Variants in PCMTD1 observed in about 807,000 individuals in gnomAD.
PCMTD1 encodes protein-L-isoaspartate (D-aspartate) O-methyltransferase domain containing 1, also known as protein-L-isoaspartate O-methyltransferase domain-containing protein 1.
Under a neutral mutation model 37.6 loss-of-function variants are expected in PCMTD1, and 12 were observed. The observed-to-expected ratio is 0.32, with a 90% CI of 0.20 to 0.52. The LOEUF (loss-of-function observed/expected upper bound fraction) is 0.52, where lower values mean the gene tolerates loss of function less well. Among genes scored for constraint, PCMTD1 ranks in the 20% least tolerant of loss-of-function variants. The probability of loss-of-function intolerance (pLI) is 0.97; values close to 1 mark genes in which losing one functional copy is unlikely to be tolerated. For missense variants in PCMTD1, 235 were observed against 421.3 expected (o/e 0.56, Z 3.87); for synonymous variants, 117 against 135.8 (o/e 0.86, Z 0.96).
At chr8:51,837,129 T>C (rs1020202738) in intron 3 of PCMTD1, among the ~76,000 whole-genome samples, 1 of 152,162 alleles carries the variant, frequency 6.6e-6, no homozygotes, top group Non-Finnish European at 1.5e-5. Flanking sequence ...ATGAATGTTT[T>C]TCCCTCCAAT....
intron 5 of PCMTD1, among the ~76,000 whole-genome samples, chr8:51,823,294 T>A (rs772444004): frequency 1.3e-5 from 2 of 152,114 alleles, no homozygotes; most frequent in African/African-American, 2.4e-5. Context: ...TGAAATCCTG[T>A]CTCTACAAAA....
intron 1 of PCMTD1, among the ~76,000 whole-genome samples, chr8:51,865,368 T>C (rs1274760632): frequency 2.0e-5 from 3 of 152,006 alleles, no homozygotes; most frequent in Non-Finnish European, 4.4e-5. Flanking sequence ...ATAAGGACAC[T>C]ACAAGAAAAG....
chr8:51,832,168 G>T (rs187655467), intron 4 of PCMTD1, among the ~76,000 whole-genome samples: 1 of 152,044 alleles, frequency 6.6e-6, no homozygotes, highest in South Asian at 2.1e-4. Context: ...AAAGCAGCTC[G>T]TTATTACATC....
chr8:51,823,146 T>C (rs1305546101), intron 5 of PCMTD1, among the ~76,000 whole-genome samples: 3 of 152,270 alleles, frequency 2.0e-5, no homozygotes, highest in Non-Finnish European at 2.9e-5. Context: ...ACTCCTAAAG[T>C]AGCATTCATG....
At chr8:51,881,809 G>A (rs181788145) in intron 1 of PCMTD1, among the ~76,000 whole-genome samples, 11 of 152,058 alleles carry the variant, frequency 7.2e-5, no homozygotes, top group South Asian at 6.2e-4. Flanking sequence ...CATTTTTTTC[G>A]ATTTCAAAAG....
chr8:51,865,461 T>C (rs2038536765), intron 1 of PCMTD1, among the ~76,000 whole-genome samples: 1 of 152,008 alleles, frequency 6.6e-6, no homozygotes, highest in Non-Finnish European at 1.5e-5. Context: ...AACAGAACAT[T>C]GAAAGGATCA....
chr8:51,899,040 G>A (rs762987459), upstream of PCMTD1: 36 of 1,509,538 alleles, frequency 2.4e-5, 1 homozygote, highest in South Asian at 3.7e-4. Flanking sequence ...GCCGAGTGGA[G>A]AGGCGGGGCC....
intron 3 of PCMTD1, among the ~76,000 whole-genome samples, chr8:51,843,871 G>A (rs1012679575): frequency 6.6e-6 from 1 of 152,068 alleles, no homozygotes. Context: ...GTGTCTTCAT[G>A]TATTAATAGG....
At chr8:51,879,310 T>TA (rs753534468) in intron 1 of PCMTD1, among the ~76,000 whole-genome samples, 9 of 149,066 alleles carry the variant, frequency 6.0e-5, no homozygotes, top group African/African-American at 2.0e-4. Context: ...GTGGCATGAC[T>TA]AAAAAAAAAT....
At chr8:51,863,631 A>C (rs1392096835) in intron 1 of PCMTD1, among the ~76,000 whole-genome samples, 6 of 152,214 alleles carry the variant, frequency 3.9e-5, no homozygotes, top group African/African-American at 1.4e-4. Context: ...TATTAAAAAT[A>C]CAAAGATTAG....
chr8:51,890,285 G>C (rs1303266081), intron 1 of PCMTD1, among the ~76,000 whole-genome samples: 6 of 152,072 alleles, frequency 3.9e-5, no homozygotes, highest in Non-Finnish European at 5.9e-5. Context: ...TTCACAATGG[G>C]ATTTACAATG....
At chr8:51,848,506 C>G (rs1471235592) in intron 2 of PCMTD1, among the ~76,000 whole-genome samples, 2 of 152,170 alleles carry the variant, frequency 1.3e-5, no homozygotes, top group African/African-American at 4.8e-5. Flanking sequence ...GCATTATTAA[C>G]AGAAAGAATC....
chr8:51,847,585 C>T (rs2038240765), intron 2 of PCMTD1, among the ~76,000 whole-genome samples: 1 of 151,950 alleles, frequency 6.6e-6, no homozygotes, highest in East Asian at 1.9e-4. Flanking sequence ...CAAGATCTTG[C>T]CATTGCACTC....
At chr8:51,840,187 A>C (rs905883800) in intron 3 of PCMTD1, among the ~76,000 whole-genome samples, 1 of 152,210 alleles carries the variant, frequency 6.6e-6, no homozygotes, top group Non-Finnish European at 1.5e-5. Flanking sequence ...GCATCAGAGA[A>C]ATTCATAGTA....
chr8:51,897,831 T>A (rs1045718651), intron 1 of PCMTD1, among the ~76,000 whole-genome samples: 2 of 151,984 alleles, frequency 1.3e-5, no homozygotes, highest in Non-Finnish European at 2.9e-5. Context: ...AATAATGAGG[T>A]GTGTAATAAA....
At chr8:51,839,103 A>C (rs1017405502) in intron 3 of PCMTD1, among the ~76,000 whole-genome samples, 1 of 152,198 alleles carries the variant, frequency 6.6e-6, no homozygotes, top group Non-Finnish European at 1.5e-5. Context: ...TTTGAAAAAA[A>C]AAATGTTCAA....
intron 3 of PCMTD1, among the ~76,000 whole-genome samples, chr8:51,838,069 G>A (rs1371533654): frequency 2.0e-5 from 3 of 152,158 alleles, no homozygotes; most frequent in Non-Finnish European, 4.4e-5. Context: ...TTACAGGCGT[G>A]AGCCACCACA....
At chr8:51,898,574 G>C (rs1274902691) in intron 1 of PCMTD1, among the ~76,000 whole-genome samples, 2 of 151,838 alleles carry the variant, frequency 1.3e-5, no homozygotes, top group East Asian at 3.9e-4. Context: ...GCCCAGGTCA[G>C]AGCCGAGGAC....
chr8:51,877,616 G>A (rs1003630984), intron 1 of PCMTD1, among the ~76,000 whole-genome samples: 1 of 152,134 alleles, frequency 6.6e-6, no homozygotes, highest in African/African-American at 2.4e-5. Context: ...ATTACATGGG[G>A]AGGAAAGTCT....
Sources: gnomAD v4.1 joint callset for allele counts (sites outside exome capture counted in the v4.1 genomes callset) on GRCh38, gnomAD v4.1.1 for gene constraint, MANE v1.5 for transcripts, NCBI Gene and HGNC (gene_info 2026-07-23, HGNC 2026-07-21) for gene names.